The following SGCZ variants were observed in gnomAD, a reference collection of about 807,000 sequenced individuals.
SGCZ encodes the protein zeta-sarcoglycan.
SGCZ carries 40 observed loss-of-function variants against 41.3 expected under a neutral mutation model. The observed-to-expected ratio is 0.97, with a 90% CI of 0.75 to 1.26. The LOEUF (loss-of-function observed/expected upper bound fraction) is 1.26, where lower values mean the gene tolerates loss of function less well. Among genes scored for constraint, SGCZ ranks in the 50% most tolerant of loss-of-function variants. SGCZ has a pLI of 0.00. For synonymous variants in SGCZ, 206 were observed against 137.5 expected, an observed-to-expected ratio of 1.50 and a Z score of -3.49; for missense variants, 552 against 369.8, an observed-to-expected ratio of 1.49 and a Z score of -4.04.
rs1218373497 is a variant in SGCZ at position 14,461,344 on chromosome 8, C to T, written c.234+93388G>A. On this transcript the variant is annotated intron_variant, in intron 2 of 7. Coordinates refer to ENST00000382080, the MANE Select transcript of SGCZ (RefSeq NM_139167.4). ...TTCTATACACAATGAATATAGCTTA[C>T]CCCAGTTATCACTCCAACCAACATT... 2.6e-5 allele frequency among the ~76,000 whole-genome samples: 4 copies of T among 152,200 alleles called. No individual in the cohort carries two copies. The South Asian group carries it at 8.3e-4, about 32-fold the overall frequency.
intron 1 of SGCZ, among the ~76,000 whole-genome samples, chr8:15,094,379 C>T (rs1418781394): frequency 1.3e-5 from 2 of 152,160 alleles, no homozygotes; most frequent in Non-Finnish European, 2.9e-5. Flanking sequence ...ACGTGATCCA[C>T]CTGCCTTGGC....
chr8:14,623,649 A>T (rs190131386), intron 1 of SGCZ, among the ~76,000 whole-genome samples: 2 of 152,290 alleles, frequency 1.3e-5, no homozygotes, highest in Admixed American at 6.5e-5. Context: ...TCAAGTGGCC[A>T]ATGAGTTATG....
intron 1 of SGCZ, among the ~76,000 whole-genome samples, chr8:15,019,750 T>C (rs77232919): frequency 0.017 from 2,590 of 151,414 alleles, 82 homozygotes; most frequent in African/African-American, 0.06. Context: ...ACTCTAATGA[T>C]CTGACTCCAG....
chr8:14,979,662 C>A (rs1328543735), intron 1 of SGCZ, among the ~76,000 whole-genome samples: 2 of 152,134 alleles, frequency 1.3e-5, no homozygotes, highest in African/African-American at 2.4e-5. Context: ...GTTATTAATA[C>A]CACATATGAA....
At chr8:14,578,508 T>A (rs1296467007) in intron 1 of SGCZ, among the ~76,000 whole-genome samples, 1 of 152,180 alleles carries the variant, frequency 6.6e-6, no homozygotes. Flanking sequence ...TTTTCTAGAA[T>A]TTCAACAGAG....
chr8:14,302,215 G>A (rs966981105), intron 3 of SGCZ, among the ~76,000 whole-genome samples: 3 of 152,056 alleles, frequency 2.0e-5, no homozygotes, highest in African/African-American at 4.8e-5. Flanking sequence ...TTCCCAAAAG[G>A]AAGACAGAAT....
intron 1 of SGCZ, among the ~76,000 whole-genome samples, chr8:14,899,453 G>T (rs1400350613): frequency 6.6e-6 from 1 of 152,154 alleles, no homozygotes; most frequent in Non-Finnish European, 1.5e-5. Flanking sequence ...TAGAAGCACA[G>T]AATGTGATTT....
At chr8:14,479,750 T>C (rs1254435706) in intron 2 of SGCZ, among the ~76,000 whole-genome samples, 1 of 92,734 alleles carries the variant, frequency 1.1e-5, no homozygotes, top group Admixed American at 1.3e-4. Context: ...TTTTTTTTTT[T>C]TTTTTTTTTT....
At chr8:14,222,487 G>C (rs1377634351) in intron 4 of SGCZ, among the ~76,000 whole-genome samples, 1 of 151,870 alleles carries the variant, frequency 6.6e-6, no homozygotes, top group African/African-American at 2.4e-5. Context: ...TTGTTTTAGG[G>C]GGTGTTGACC....
intron 1 of SGCZ, among the ~76,000 whole-genome samples, chr8:15,026,735 T>C (rs1041701304): frequency 1.3e-5 from 2 of 152,204 alleles, no homozygotes; most frequent in South Asian, 2.1e-4. Flanking sequence ...AACCCAGAAT[T>C]GTGCAAATAA....
chr8:15,098,632 C>G (rs1806479168), intron 1 of SGCZ, among the ~76,000 whole-genome samples: 5 of 152,126 alleles, frequency 3.3e-5, no homozygotes. Flanking sequence ...TCCAAGAGTA[C>G]CTATTTCTGA....
At chr8:14,350,648 G>A (rs1158909085) in intron 2 of SGCZ, among the ~76,000 whole-genome samples, 2 of 151,982 alleles carry the variant, frequency 1.3e-5, no homozygotes. Flanking sequence ...CTGCTCCATG[G>A]CTCCCTGTGG....
At chr8:14,875,394 ATTTTG>A (rs1804314778) in intron 1 of SGCZ, among the ~76,000 whole-genome samples, 1 of 152,174 alleles carries the variant, frequency 6.6e-6, no homozygotes, top group African/African-American at 2.4e-5. Flanking sequence ...CTCAACATGA[ATTTTG>A]GAGGGGACAT....
intron 1 of SGCZ, among the ~76,000 whole-genome samples, chr8:14,886,801 A>T (rs922369703): frequency 1.3e-5 from 2 of 152,152 alleles, no homozygotes; most frequent in Non-Finnish European, 2.9e-5. Context: ...GAGTCTTTAG[A>T]TCACTTTGGC....
At chr8:14,333,931 G>A (rs537840933) in intron 2 of SGCZ, among the ~76,000 whole-genome samples, 67 of 152,196 alleles carry the variant, frequency 4.4e-4, no homozygotes, top group Admixed American at 1.4e-3. Flanking sequence ...ATTCAGTTGC[G>A]TCCTAATGTG....
chr8:14,228,242 C>T (rs1404243646), intron 4 of SGCZ, among the ~76,000 whole-genome samples: 2 of 152,118 alleles, frequency 1.3e-5, no homozygotes, highest in Non-Finnish European at 2.9e-5. Flanking sequence ...CCTGCAATTC[C>T]GACGTCCCAC....
At chr8:14,361,637 C>T (rs567586621) in intron 2 of SGCZ, among the ~76,000 whole-genome samples, 134 of 152,288 alleles carry the variant, frequency 8.8e-4, no homozygotes, top group African/African-American at 3.1e-3. Flanking sequence ...GCTCCGTTAG[C>T]TCAGAGAAGT....
intron 1 of SGCZ, among the ~76,000 whole-genome samples, chr8:15,164,627 A>G (rs1307021689): frequency 1.4e-5 from 2 of 139,042 alleles, no homozygotes; most frequent in Non-Finnish European, 3.1e-5. Context: ...TCAGCAGTTA[A>G]GTTTTAAGCA....
chr8:14,377,213 T>C (rs1016676600), intron 2 of SGCZ, among the ~76,000 whole-genome samples: 1 of 152,164 alleles, frequency 6.6e-6, no homozygotes, highest in Non-Finnish European at 1.5e-5. Flanking sequence ...GAGCCAATGA[T>C]GTAATCAATC....
Sources: allele counts gnomAD v4.1 joint callset (sites outside exome capture counted in the v4.1 genomes callset), GRCh38; gene constraint gnomAD v4.1.1; transcripts MANE v1.5; gene names NCBI Gene and HGNC (gene_info 2026-07-23, HGNC 2026-07-21).